CCDC12: variants seen among roughly 807,000 people sequenced by gnomAD.
CCDC12 encodes coiled-coil domain containing 12.
Under a neutral mutation model 25.7 loss-of-function variants are expected in CCDC12, and 28 were observed. The ratio of observed to expected loss-of-function variants is 1.09; its 90% CI spans 0.81 to 1.50. The LOEUF (loss-of-function observed/expected upper bound fraction) is 1.50, where lower values mean the gene tolerates loss of function less well. Among genes scored for constraint, CCDC12 ranks in the 40% most tolerant of loss-of-function variants. The probability of loss-of-function intolerance (pLI) is 0.00; values close to 1 mark genes in which losing one functional copy is unlikely to be tolerated. For synonymous variants in CCDC12, 75 were observed against 87.7 expected (o/e 0.86, Z 0.81); for missense variants, 198 against 210.0 (o/e 0.94, Z 0.35).
intron 1 of CCDC12, among the ~76,000 whole-genome samples, chr3:46,955,156 A>G (rs1437501646): frequency 2.6e-5 from 4 of 152,202 alleles, no homozygotes; most frequent in African/African-American, 9.6e-5. Context: ...TGCTGTTAGC[A>G]TCGCCACAGC....
intron 5 of CCDC12, 131 bp from the exon 6 acceptor site, chr3:46,922,443 G>C: frequency 1.1e-6 from 1 of 931,612 alleles, no homozygotes; most frequent in South Asian, 1.4e-5. Flanking sequence ...CCCTGGGGAA[G>C]AGGCCAGGAC....
At chr3:46,928,747 G>A (rs2033083020) in intron 2 of CCDC12, among the ~76,000 whole-genome samples, 1 of 152,296 alleles carries the variant, frequency 6.6e-6, no homozygotes. Context: ...CAGTGAATCC[G>A]TTATTCAAGA....
intron 2 of CCDC12, among the ~76,000 whole-genome samples, chr3:46,938,617 G>A (rs895833241): frequency 6.9e-6 from 1 of 145,244 alleles, no homozygotes; most frequent in African/African-American, 2.6e-5. Flanking sequence ...TTGGGAGGCT[G>A]AAGTGGGTGG....
At chr3:46,941,126 G>A (rs954468176) in intron 1 of CCDC12, 61 bp from the exon 2 acceptor site, 2 of 1,530,168 alleles carry the variant, frequency 1.3e-6, no homozygotes, top group African/African-American at 2.7e-5. Flanking sequence ...AGTCCACGTG[G>A]CCCAGGGAGC....
chr3:46,962,437 A>AAAG (rs2034492366), intron 1 of CCDC12, among the ~76,000 whole-genome samples: 3 of 150,242 alleles, frequency 2.0e-5, no homozygotes, highest in Non-Finnish European at 4.4e-5. Flanking sequence ...TCTATCTCAA[A>AAAG]AAAAAAAAAA....
At chr3:46,951,508 C>T (rs2107161303) in intron 1 of CCDC12, among the ~76,000 whole-genome samples, 1 of 151,272 alleles carries the variant, frequency 6.6e-6, no homozygotes, top group South Asian at 2.1e-4. Flanking sequence ...GGGCTGGGCA[C>T]GGTGGCTCAG....
chr3:46,976,556 TAGCCCTTTGCTCTCCTCAAGCGCGAC>T (rs2035000171), intron 1 of CCDC12, 55 bp downstream of exon 1: 1 of 1,524,796 alleles, frequency 6.6e-7, no homozygotes, highest in East Asian at 2.5e-5. Context: ...CTTTCCTTAT[TAGCCCTTTGCTCTCCTCAAGCGCGAC>T]CCGGACCCCG....
At chr3:46,979,962 C>T, upstream of CCDC12, 1 of 288,674 alleles carries the variant, frequency 3.5e-6, no homozygotes, top group Admixed American at 5.3e-5. Context: ...GTGCCCCCAG[C>T]TTCGCGCGCC....
At chr3:46,951,224 G>A (rs2034103349) in intron 1 of CCDC12, among the ~76,000 whole-genome samples, 1 of 152,160 alleles carries the variant, frequency 6.6e-6, no homozygotes, top group African/African-American at 2.4e-5. Context: ...GGAGTTGCAG[G>A]AGAGGTGGAG....
intron 2 of CCDC12, among the ~76,000 whole-genome samples, chr3:46,937,717 G>A (rs1023376197): frequency 3.3e-5 from 5 of 152,166 alleles, no homozygotes; most frequent in Non-Finnish European, 4.4e-5. Flanking sequence ...GGATGGACAC[G>A]GCCTCTGCTG....
chr3:46,938,203 A>C (rs1309638545), intron 2 of CCDC12, among the ~76,000 whole-genome samples: 1 of 152,098 alleles, frequency 6.6e-6, no homozygotes, highest in Non-Finnish European at 1.5e-5. Context: ...GAGAAAAAAC[A>C]AAACAGGGCC....
At chr3:46,962,799 CAA>C (rs1357342709) in intron 1 of CCDC12, among the ~76,000 whole-genome samples, 1 of 152,178 alleles carries the variant, frequency 6.6e-6, no homozygotes, top group African/African-American at 2.4e-5. Flanking sequence ...AGCCATTTTG[CAA>C]AAGTGTTTGA....
chr3:46,932,626 GAC>G (rs1405587736), intron 2 of CCDC12, among the ~76,000 whole-genome samples: 1 of 152,198 alleles, frequency 6.6e-6, no homozygotes, highest in African/African-American at 2.4e-5. Flanking sequence ...TGGAGCACAT[GAC>G]ACAAGAAGTG....
At chr3:46,940,147 C>T (rs1367125838) in intron 2 of CCDC12, among the ~76,000 whole-genome samples, 3 of 152,212 alleles carry the variant, frequency 2.0e-5, no homozygotes, top group African/African-American at 7.2e-5. Context: ...GGTAGTCAGA[C>T]ACTCTGCTCA....
chr3:46,925,383 G>C lies in CCDC12; in HGVS notation c.244+73C>G, dbSNP rs768249429. The C allele has an allele frequency of 5.4e-6, 7 of 1,303,094 alleles. No homozygotes were observed. In the Admixed American group the frequency reaches 1.3e-4, roughly 23 times the overall value. The allele number at this position is 1,303,094 out of a possible 1,614,324, so 80.7% of individuals were successfully genotyped here. On this transcript the variant is annotated intron_variant, in intron 3 of 6. Coordinates refer to ENST00000683445, the MANE Select transcript of CCDC12 (RefSeq NM_001277074.2). The stretch of plus-strand genomic sequence containing the variant: ...CCTGGTACTGCTGGTTATTCTCAGA[G>C]AGCAAAGCCTGCTGAGGTGGAGGGT...
At position 46,923,349 on chromosome 3, in the gene CCDC12, G is replaced by C; in HGVS notation, c.321C>G (p.Leu107=). The change falls in exon 5 of 7, where the codon CTC becomes CTG. Residue 107 remains leucine, a synonymous_variant. Transcript: ENST00000683445. ...PVIEEVDLAN[L]APRKPDWDLK... is the part of the protein sequence containing the mutation. ...CTCACCAGTCAGGCTTCCGAGGAGCGAGGTTGGCCAGGTCCTGGGAAGGGA... is the reference window on the plus strand; with the variant it reads ...CTCACCAGTCAGGCTTCCGAGGAGCCAGGTTGGCCAGGTCCTGGGAAGGGA... 6.7e-7 allele frequency: 1 copy of C among 1,491,862 alleles called. No homozygotes were observed. The highest frequency in any genetic ancestry group is 8.9e-7 in the Non-Finnish European group (1 of 1,119,138). 92.4% of individuals were successfully genotyped at this position (1,491,862 alleles called of 1,614,324 possible).
At chr3:46,968,473 G>A (rs1475690406) in intron 1 of CCDC12, among the ~76,000 whole-genome samples, 1 of 152,160 alleles carries the variant, frequency 6.6e-6, no homozygotes, top group Non-Finnish European at 1.5e-5. Flanking sequence ...AGGCCTGTGT[G>A]CAAGATCTCG....
At chr3:46,944,736 CCT>C (rs886462070) in intron 1 of CCDC12, among the ~76,000 whole-genome samples, 2 of 152,054 alleles carry the variant, frequency 1.3e-5, no homozygotes, top group Non-Finnish European at 2.9e-5. Flanking sequence ...TGCATTTTTC[CCT>C]CTCTTTCTCC....
rs1009351915 is a variant in CCDC12, at chr3:46,960,083, C to A, written c.96+16554G>T. Among the ~76,000 whole-genome samples, 4 of 152,220 alleles carry A rather than the reference C, an allele frequency of 2.6e-5. No homozygotes were observed. In the South Asian group the frequency reaches 6.2e-4, roughly 24 times the overall value. On this transcript the variant is annotated intron_variant, in intron 1 of 6. Coordinates refer to ENST00000683445, the MANE Select transcript of CCDC12 (RefSeq NM_001277074.2). ...CCATGCCCTCCCTCCAAGACACTGA[C>A]AGCTCTCCTCTGCCCCTCCTCCGTG...
Sources: allele counts gnomAD v4.1 joint callset (sites outside exome capture counted in the v4.1 genomes callset), GRCh38; gene constraint gnomAD v4.1.1; transcripts MANE v1.5; gene names NCBI Gene and HGNC (gene_info 2026-07-23, HGNC 2026-07-21).